Variants in TTC28 observed in about 807,000 individuals in gnomAD.
TTC28 encodes tetratricopeptide repeat protein 28.
In TTC28, 61 loss-of-function variants were observed where a neutral mutation model predicts 198.0. The ratio of observed to expected loss-of-function variants is 0.31; its 90% CI spans 0.25 to 0.38. TTC28 has a LOEUF of 0.38. TTC28 is among the 10% of genes least tolerant of loss of function. TTC28 has a pLI of 1.00. For missense variants in TTC28, 2,678 were observed against 3,164.0 expected (o/e 0.85, Z 3.69); for synonymous variants, 1,171 against 1,297.8 (o/e 0.90, Z 2.10).
chr22:28,313,896 C>T (rs2045309454), intron 2 of TTC28, among the ~76,000 whole-genome samples: 1 of 152,122 alleles, frequency 6.6e-6, no homozygotes, highest in African/African-American at 2.4e-5. Flanking sequence ...AAAGCATATA[C>T]AAATAGGAAG....
intron 2 of TTC28, among the ~76,000 whole-genome samples, chr22:28,601,956 G>T (rs2050646739): frequency 6.6e-6 from 1 of 152,112 alleles, no homozygotes; most frequent in African/African-American, 2.4e-5. Flanking sequence ...AAGGATCTCT[G>T]GTAGACACAA....
intron 2 of TTC28, among the ~76,000 whole-genome samples, chr22:28,474,364 C>T (rs186053716): frequency 1.4e-3 from 218 of 152,212 alleles, no homozygotes; most frequent in Non-Finnish European, 1.4e-3. Context: ...GTACCATGTA[C>T]CTCTGGAACC....
intron 6 of TTC28, among the ~76,000 whole-genome samples, chr22:28,156,067 A>G (rs1024953769): frequency 6.6e-6 from 1 of 152,214 alleles, no homozygotes; most frequent in African/African-American, 2.4e-5. Flanking sequence ...AATAAATCAA[A>G]TGATGACTTC....
chr22:28,553,385 G>T (rs1418599476), intron 2 of TTC28, among the ~76,000 whole-genome samples: 1 of 150,742 alleles, frequency 6.6e-6, no homozygotes, highest in South Asian at 2.1e-4. Flanking sequence ...AGTGAGGAGC[G>T]TCTCTGCCCG....
At chr22:28,563,036 T>C (rs1031936887) in intron 2 of TTC28, among the ~76,000 whole-genome samples, 4 of 150,920 alleles carry the variant, frequency 2.7e-5, no homozygotes, top group Admixed American at 2.6e-4. Context: ...GGCAGGAGGG[T>C]CGCTTGAGCT....
chr22:28,533,474 C>G (rs937391713), intron 2 of TTC28, among the ~76,000 whole-genome samples: 2 of 152,130 alleles, frequency 1.3e-5, no homozygotes, highest in African/African-American at 2.4e-5. Flanking sequence ...ATGAAAATAG[C>G]CATACTGCTC....
At chr22:28,579,077 TATAC>T (rs1282566582) in intron 2 of TTC28, among the ~76,000 whole-genome samples, 1 of 151,730 alleles carries the variant, frequency 6.6e-6, no homozygotes, top group Non-Finnish European at 1.5e-5. Flanking sequence ...TGTATATAGC[TATAC>T]ATACATACAT....
At chr22:28,163,956 C>T (rs916190567) in intron 5 of TTC28, among the ~76,000 whole-genome samples, 2 of 152,220 alleles carry the variant, frequency 1.3e-5, no homozygotes, top group African/African-American at 4.8e-5. Flanking sequence ...TAATACTGCA[C>T]TTTTCCAATG....
intron 2 of TTC28, among the ~76,000 whole-genome samples, chr22:28,557,349 T>A (rs1027353128): frequency 6.6e-6 from 1 of 152,216 alleles, no homozygotes; most frequent in Admixed American, 6.5e-5. Context: ...CTGTCATATA[T>A]TCCATTTCTC....
chr22:28,158,982 C>T (rs902196412), intron 6 of TTC28, among the ~76,000 whole-genome samples: 11 of 152,152 alleles, frequency 7.2e-5, no homozygotes, highest in African/African-American at 2.7e-4. Flanking sequence ...AGACAACCCA[C>T]AGAATGGGAG....
chr22:28,517,687 G>A (rs1242989703), intron 2 of TTC28, among the ~76,000 whole-genome samples: 7 of 152,112 alleles, frequency 4.6e-5, no homozygotes, highest in Admixed American at 3.9e-4. Context: ...TTCTGTTCCC[G>A]ATGGAGTCCT....
chr22:28,534,772 T>C (rs892765346), intron 2 of TTC28, among the ~76,000 whole-genome samples: 2 of 152,140 alleles, frequency 1.3e-5, no homozygotes, highest in African/African-American at 4.8e-5. Flanking sequence ...GGGACATGGA[T>C]GAAGCTGGAA....
intron 2 of TTC28, among the ~76,000 whole-genome samples, chr22:28,473,022 G>A (rs117166491): frequency 0.011 from 1,661 of 152,230 alleles, 10 homozygotes; most frequent in Non-Finnish European, 0.019. Context: ...GTAAGCAAAA[G>A]AGCCTCAGCT....
chr22:28,134,742 G>A (rs186765857), intron 6 of TTC28, among the ~76,000 whole-genome samples: 5 of 152,312 alleles, frequency 3.3e-5, no homozygotes, highest in African/African-American at 7.2e-5. Context: ...TGAAAGTGAC[G>A]AGGAGAATGG....
chr22:28,071,782 C>T (rs183137137), intron 12 of TTC28, among the ~76,000 whole-genome samples: 20 of 144,904 alleles, frequency 1.4e-4, no homozygotes, highest in East Asian at 8.3e-4. Context: ...CACAAGTTTA[C>T]GATGACAACT....
intron 2 of TTC28, among the ~76,000 whole-genome samples, chr22:28,365,141 A>G (rs9625458): frequency 0.012 from 1,768 of 152,344 alleles, 31 homozygotes; most frequent in African/African-American, 0.04. Flanking sequence ...AGCCATCAAC[A>G]TTGAGGCAAG....
At chr22:28,197,502 A>G (rs1925490092) in intron 5 of TTC28, among the ~76,000 whole-genome samples, 1 of 152,152 alleles carries the variant, frequency 6.6e-6, no homozygotes, top group African/African-American at 2.4e-5. Flanking sequence ...CATAAAAACT[A>G]GAAGCAAATG....
chr22:28,193,750 A>G (rs567870999), intron 5 of TTC28, among the ~76,000 whole-genome samples: 1 of 152,316 alleles, frequency 6.6e-6, no homozygotes, highest in East Asian at 1.9e-4. Context: ...TCCTAAATAT[A>G]TATGCACCCA....
chr22:28,608,694 A>C (rs1332176487), intron 2 of TTC28, among the ~76,000 whole-genome samples: 1 of 152,164 alleles, frequency 6.6e-6, no homozygotes, highest in Admixed American at 6.5e-5. Context: ...GAAGGCTAAG[A>C]GTTGTAATCT....
Sources: allele counts gnomAD v4.1 joint callset (sites outside exome capture counted in the v4.1 genomes callset), GRCh38; gene constraint gnomAD v4.1.1; transcripts MANE v1.5; gene names NCBI Gene and HGNC (gene_info 2026-07-23, HGNC 2026-07-21).